Variants in MUC17 observed in about 807,000 individuals in gnomAD.
The protein encoded by MUC17 is mucin-17.
Under a neutral mutation model 170.3 loss-of-function variants are expected in MUC17, and 190 were observed. That is an observed-to-expected ratio of 1.12 (90% confidence interval 0.99 to 1.26). MUC17 has a LOEUF of 1.26. Among genes scored for constraint, MUC17 ranks in the 50% most tolerant of loss-of-function variants. MUC17 has a pLI of 0.00. For missense variants in MUC17, 6,415 were observed against 5,530.0 expected (o/e 1.16, Z -5.08); for synonymous variants, 2,325 against 2,002.5 (o/e 1.16, Z -4.30).
intron 10 of MUC17, 90 bp downstream of exon 10, chr7:101,053,237 G>A: frequency 6.3e-7 from 1 of 1,584,518 alleles, no homozygotes; most frequent in South Asian, 1.1e-5. Context: ...TCATAGTCTA[G>A]GTGGGCAGCG....
rs1794048507 is a variant in MUC17, at chr7:101,020,285, C to T, written c.82+68C>T. 4 of 1,404,528 alleles carry T rather than the reference C, an allele frequency of 2.8e-6. No homozygotes were observed. The South Asian group carries it at 5.3e-5, about 18-fold the overall frequency. The allele number at this position is 1,404,528 out of a possible 1,614,324, so 87.0% of individuals were successfully genotyped here. A position where few individuals can be genotyped will look rare whatever the true frequency, so the allele number is the denominator to read the frequency against. ...CAGGGGCCAGCCTGCTCTGTCTGCC[C>T]ATCCCCGAGGGAGAGCTGCCTCCAG... On this transcript the variant is annotated intron_variant, in intron 1 of 12. Transcript: ENST00000306151.
intron 1 of MUC17, among the ~76,000 whole-genome samples, chr7:101,028,078 A>T (rs942995897): frequency 7.9e-5 from 11 of 139,910 alleles, no homozygotes; most frequent in East Asian, 2.1e-4. Flanking sequence ...TCACCCTTAA[A>T]TTTTTTTTTA....
chr7:101,043,734 C>T lies in MUC17; in HGVS notation c.12318C>T (p.Pro4106=), dbSNP rs1466441078. The change falls in exon 3 of 13, where the codon CCC becomes CCT. Residue 4106 remains proline (P), a synonymous_variant. Transcript: ENST00000306151. The part of the protein sequence containing the change: ...TKPSTRTTSF[P]TVTTTAVPTN... The stretch of plus-strand genomic sequence containing the variant: ...CCAGCACACGGACCACTTCCTTCCC[C>T]ACGGTGACCACCACCGCTGTCCCCA... The T allele has an allele frequency of 1.9e-6, 3 of 1,614,156 alleles. No individual in the cohort carries two copies. Among genetic ancestry groups the T allele is most frequent in the Non-Finnish European group, 2.5e-6 (3 of 1,180,034 alleles).
chr7:101,053,292 C>T (rs200642860), intron 10 of MUC17, 47 bp from the exon 11 acceptor site: 12 of 1,594,446 alleles, frequency 7.5e-6, no homozygotes, highest in African/African-American at 2.7e-5. Context: ...GGTCCTTATT[C>T]CTGTTCCCCA....
chr7:101,037,470 T>G lies in MUC17; in HGVS notation c.6054T>G (p.Thr2018=). The change falls in exon 3 of 13, where the codon ACT becomes ACG. Residue 2018 remains threonine (T), a synonymous_variant. Coordinates refer to ENST00000306151, the MANE Select transcript of MUC17 (RefSeq NM_001040105.2). ...TTGACACCAGCACTCCTGCCACCAC[T>G]TCTACTGAAGGCAGTTCATCTCCTA... ...TPVDTSTPAT[T]STEGSSSPTT... 3 of 1,612,308 alleles carry G rather than the reference T, an allele frequency of 1.9e-6. No homozygotes were observed. The highest frequency in any genetic ancestry group is 2.5e-6 in the Non-Finnish European group (3 of 1,179,056).
rs765294120 is a variant in MUC17 at position 101,040,639 on chromosome 7, A to T, written c.9223A>T (p.Ser3075Cys). The change falls in exon 3 of 13, where the codon AGT becomes TGT. Residue 3075 changes from serine to cysteine, a missense_variant. Coordinates refer to ENST00000306151, the MANE Select transcript of MUC17 (RefSeq NM_001040105.2). ...TLSTTPVDSNSPVVTSTEVSS... is the reference protein window; with the variant it reads ...TLSTTPVDSNCPVVTSTEVSS... ...TTCAACAACTCCTGTTGACTCCAAC[A>T]GTCCTGTGGTCACTTCTACTGAAGT... is the stretch of plus-strand genomic sequence containing the variant. The T allele has an allele frequency of 1.2e-6, 2 of 1,612,388 alleles. No homozygotes were observed. Among genetic ancestry groups the T allele is most frequent in the Non-Finnish European group, 8.5e-7 (1 of 1,179,168 alleles).
At position 101,057,989 on chromosome 7, in the gene MUC17, A is replaced by C. The variant is rs750360704; in HGVS notation, c.13441-14A>C. The C allele has an allele frequency of 1.2e-6, 2 of 1,613,456 alleles. No homozygotes were observed. The highest frequency in any genetic ancestry group is 2.2e-5 in the South Asian group (2 of 91,014). On this transcript the variant is annotated splice_polypyrimidine_tract_variant and intron_variant, in intron 12 of 12. Transcript: ENST00000306151. ...ATGGGCTGAGCCCTCACTTGGTTTTATCTCTCTTTTCAGATCCGAATTCAG... is the reference window on the plus strand; with the variant it reads ...ATGGGCTGAGCCCTCACTTGGTTTTCTCTCTCTTTTCAGATCCGAATTCAG...
In MUC17 at chr7:101,038,034, A is replaced by C. The variant is rs1794546982; in HGVS notation, c.6618A>C (p.Glu2206Asp). The change falls in exon 3 of 13, where the codon GAA becomes GAC. Residue 2206 changes from glutamate to aspartate, a missense_variant. By Grantham distance (45) the Glu-to-Asp change is conservative. Coordinates refer to ENST00000306151, the MANE Select transcript of MUC17 (RefSeq NM_001040105.2). ...TEARSSPTTSEGTSMPTSTPS... is the reference protein window; with the variant it reads ...TEARSSPTTSDGTSMPTSTPS... The stretch of plus-strand genomic sequence containing the variant: ...CCCGTTCATCTCCTACAACTTCTGA[A>C]GGTACCAGCATGCCAACCTCAACTC... The C allele has an allele frequency of 3.1e-6, 5 of 1,594,130 alleles. No individual in the cohort carries two copies. Among genetic ancestry groups the C allele is most frequent in the Non-Finnish European group, 4.3e-6 (5 of 1,169,528 alleles).
chr7:101,024,781 C>T (rs1049826429), intron 1 of MUC17, among the ~76,000 whole-genome samples: 1 of 144,368 alleles, frequency 6.9e-6, no homozygotes, highest in African/African-American at 2.6e-5. Context: ...CTTGCCCTGT[C>T]GCCCAGGCTG....
In MUC17 at chr7:101,035,172, T is replaced by G; in HGVS notation, c.3756T>G (p.Thr1252=). 1 of 1,610,620 alleles carries G rather than the reference T, an allele frequency of 6.2e-7. No individual in the cohort carries two copies. The highest frequency in any genetic ancestry group is 8.5e-7 in the Non-Finnish European group (1 of 1,178,268). ...TTGACACCAGCACACCTGTGACCAC[T>G]TCTGCTGAAACCAGTTCCTCTCCTA... The part of the protein sequence containing the change: ...SPVDTSTPVT[T]SAETSSSPTT... Residue 1252 remains threonine, a synonymous_variant, in exon 3 of 13, where the codon ACT becomes ACG. Transcript: ENST00000306151.
Position 101,037,995 on chromosome 7 carries a change from C to A in MUC17, c.6579C>A (p.Thr2193=), listed in dbSNP as rs1794545444. The change falls in exon 3 of 13, where the codon ACC becomes ACA. Residue 2193 remains threonine, a synonymous_variant. Coordinates refer to ENST00000306151, the MANE Select transcript of MUC17 (RefSeq NM_001040105.2). ...CTGTTGACACCAGCACACCTGTGAC[C>A]AATTCTACTGAAGCCCGTTCATCTC... The part of the protein sequence containing the change: ...TTPVDTSTPV[T]NSTEARSSPT... 6.2e-7 allele frequency: 1 copy of A among 1,607,480 alleles called. No individual in the cohort carries two copies.
Position 101,033,718 on chromosome 7 carries a change from T to C in MUC17, c.2302T>C (p.Ser768Pro). The C allele has an allele frequency of 6.2e-7, 1 of 1,613,630 alleles. No homozygotes were observed. Among genetic ancestry groups the C allele is most frequent in the South Asian group, 1.1e-5 (1 of 91,072 alleles). The change falls in exon 3 of 13, where the codon TCA (serine) becomes CCA (proline). Residue 768 changes from serine (S) to proline (P), a missense_variant. Ser to Pro is a moderately conservative substitution (Grantham distance 74). Transcript: ENST00000306151. The part of the protein sequence containing the change: ...LLTSSEASTL[S>P]TTPLDTSTHI... ...GACCAGTTCTGAGGCTAGCACCCTT[T>C]CAACAACTCCTCTTGACACAAGCAC...
At chr7:101,044,254 T>A (rs1297155429) in intron 3 of MUC17, among the ~76,000 whole-genome samples, 1 of 152,130 alleles carries the variant, frequency 6.6e-6, no homozygotes, top group East Asian at 1.9e-4. Context: ...AATCTACCCA[T>A]CTGACAAAGA....
In MUC17 at chr7:101,035,723, C is replaced by A. The variant is rs1200132672; in HGVS notation, c.4307C>A (p.Ser1436Tyr). ...ACCACTTCTGCTGAAGCCACTTCAT[C>A]TCCTACAACTGCTGAAGGTATCAGC... ...PGTTSAEATS[S>Y]PTTAEGISIP... The change falls in exon 3 of 13, where the codon TCT becomes TAT. Residue 1436 changes from serine (S) to tyrosine (Y), a missense_variant. Coordinates refer to ENST00000306151, the MANE Select transcript of MUC17 (RefSeq NM_001040105.2). The A allele has an allele frequency of 6.2e-7, 1 of 1,609,772 alleles. No individual in the cohort carries two copies. Among genetic ancestry groups the A allele is most frequent in the Middle Eastern group, 1.7e-4 (1 of 6,046 alleles).
Position 101,048,048 on chromosome 7 carries a change from C to CA in MUC17, c.12470dup (p.Cys4158ValfsTer13), listed in dbSNP as rs1794872830. The CA allele has an allele frequency of 6.2e-7, 1 of 1,607,868 alleles. No individual in the cohort carries two copies. Among genetic ancestry groups the CA allele is most frequent in the Non-Finnish European group, 8.5e-7 (1 of 1,177,446 alleles). On this transcript the variant is annotated frameshift_variant, in exon 4 of 13. Coordinates refer to ENST00000306151, the MANE Select transcript of MUC17 (RefSeq NM_001040105.2). LOFTEE classifies it high-confidence loss of function. ...AGAATGGAGGCACCTGGGATGGGCT[C>CA]AAGTGCCAGTGTCCCAACCTCTATT...
rs1562815601 is a variant in MUC17 at position 101,040,169 on chromosome 7, T to G, written c.8753T>G (p.Met2918Arg). Residue 2918 changes from methionine to arginine, a missense_variant, in exon 3 of 13, where the codon ATG becomes AGG. Coordinates refer to ENST00000306151, the MANE Select transcript of MUC17 (RefSeq NM_001040105.2). ...SSPTTAEGTS[M>R]PISTPSEVST... ...CCTACAACTGCTGAAGGTACCAGCATGCCAATCTCAACTCCTAGTGAAGTA... is the reference window on the plus strand; with the variant it reads ...CCTACAACTGCTGAAGGTACCAGCAGGCCAATCTCAACTCCTAGTGAAGTA... 11 of 1,613,204 alleles carry G rather than the reference T, an allele frequency of 6.8e-6. No homozygotes were observed. The highest frequency in any genetic ancestry group is 8.5e-6 in the Non-Finnish European group (10 of 1,179,662).
rs1319365961 is a variant in MUC17, at chr7:101,048,931, T to A, written c.12622T>A (p.Ser4208Thr). 6.2e-7 allele frequency: 1 copy of A among 1,613,790 alleles called. No homozygotes were observed. The highest frequency in any genetic ancestry group is 8.5e-7 in the Non-Finnish European group (1 of 1,179,910). ...CACCGAAGAGCTAAAAAACCACTCT[T>A]CCCAGGAATTCCAGGAGTTCAAACA... ...KFTEELKNHS[S>T]QEFQEFKQTF... is the part of the protein sequence containing the mutation. The change falls in exon 5 of 13, where the codon TCC (serine) becomes ACC (threonine). Residue 4208 changes from serine to threonine, a missense_variant. By Grantham distance (58) the Ser-to-Thr change is moderately conservative. Coordinates refer to ENST00000306151, the MANE Select transcript of MUC17 (RefSeq NM_001040105.2).
chr7:101,044,726 C>T (rs1456667510), intron 3 of MUC17, among the ~76,000 whole-genome samples: 1 of 151,946 alleles, frequency 6.6e-6, no homozygotes, highest in Non-Finnish European at 1.5e-5. Context: ...TTCTTTTAAA[C>T]TTTTTAGTTT....
At position 101,036,223 on chromosome 7, in the gene MUC17, C is replaced by G. The variant is rs377667267; in HGVS notation, c.4807C>G (p.Gln1603Glu). Residue 1603 changes from glutamine (Q) to glutamate (E), a missense_variant, in exon 3 of 13, where the codon CAG (glutamine) becomes GAG (glutamate). Transcript: ENST00000306151. ...AACAACCCCTATTGACTCCAAAACT[C>G]AGGTGACCGCTTCTACTGAAGCCAG... ...LSTTPIDSKT[Q>E]VTASTEASSS... The G allele has an allele frequency of 1.8e-5, 29 of 1,613,930 alleles. No individual in the cohort carries two copies. The highest frequency in any genetic ancestry group is 2.2e-5 in the Non-Finnish European group (26 of 1,180,024).
Sources: gnomAD v4.1 joint callset for allele counts (sites outside exome capture counted in the v4.1 genomes callset) on GRCh38, gnomAD v4.1.1 for gene constraint, MANE v1.5 for transcripts, NCBI Gene and HGNC (gene_info 2026-07-23, HGNC 2026-07-21) for gene names.